Variants in MOV10L1 observed in about 807,000 individuals in gnomAD.
The protein encoded by MOV10L1 is RNA helicase Mov10l1.
In MOV10L1, 110 loss-of-function variants were observed where a neutral mutation model predicts 143.8. The ratio of observed to expected loss-of-function variants is 0.76; its 90% CI spans 0.66 to 0.90. MOV10L1 has a LOEUF of 0.90. Ranked by LOEUF, MOV10L1 falls within the 40% of genes least tolerant of loss-of-function variation. MOV10L1 has a pLI of 0.00. For synonymous variants in MOV10L1, 593 were observed against 581.1 expected (o/e 1.02, Z -0.29); for missense variants, 1,406 against 1,526.8 (o/e 0.92, Z 1.32).
intron 20 of MOV10L1, 149 bp from the exon 21 acceptor site, chr22:50,150,586 C>G (rs2063271296): frequency 1.1e-6 from 1 of 884,152 alleles, no homozygotes; most frequent in Non-Finnish European, 1.7e-6. Context: ...GCCCTGTCGG[C>G]ATTCCCTGGT....
At chr22:50,107,557 TG>T (rs2061906851) in intron 3 of MOV10L1, among the ~76,000 whole-genome samples, 1 of 152,194 alleles carries the variant, frequency 6.6e-6, no homozygotes, top group Admixed American at 6.5e-5. Flanking sequence ...ACCTGTACCA[TG>T]GCAGACCTGT....
At chr22:50,136,709 G>A (rs1410904756) in intron 15 of MOV10L1, among the ~76,000 whole-genome samples, 1 of 152,164 alleles carries the variant, frequency 6.6e-6, no homozygotes, top group African/African-American at 2.4e-5. Context: ...TAGAGTGCTG[G>A]GGAGAGGGCA....
At chr22:50,125,320 T>C in intron 10 of MOV10L1, 72 bp from the exon 11 acceptor site, 3 of 1,473,992 alleles carry the variant, frequency 2.0e-6, no homozygotes, top group Non-Finnish European at 2.8e-6. Context: ...GGAACTTTCC[T>C]GCTCCGGAGC....
At position 50,113,709 on chromosome 22, in the gene MOV10L1, G is replaced by A. The variant is rs1380054290; in HGVS notation, c.805G>A (p.Gly269Ser). ...FYGTILLKNKGDIEVTQVTHF... is the reference protein window; with the variant it reads ...FYGTILLKNKSDIEVTQVTHF... Reference sequence around the variant, plus strand: ...TGGAACGATTTTGCTGAAGAACAAAGGTGATATTGAAGTTACACAGGTGAC... The same window carrying A: ...TGGAACGATTTTGCTGAAGAACAAAAGTGATATTGAAGTTACACAGGTGAC... Residue 269 changes from glycine (G) to serine (S), a missense_variant, in exon 6 of 27, where the codon GGT (glycine) becomes AGT (serine). Around this residue, in one of 3 missense-constraint regions of MOV10L1, gnomAD observed 1,233 missense variants for 1,351.4 expected, o/e 0.91. Transcript: ENST00000262794. 1 of 1,614,014 alleles carries A rather than the reference G, an allele frequency of 6.2e-7. No individual in the cohort carries two copies. Among genetic ancestry groups the A allele is most frequent in the Non-Finnish European group, 8.5e-7 (1 of 1,179,994 alleles).
At chr22:50,091,253 A>G (rs1041366871) in intron 1 of MOV10L1, 3 of 167,448 alleles carry the variant, frequency 1.8e-5, no homozygotes, top group African/African-American at 7.2e-5. Flanking sequence ...CTCAGATCCT[A>G]TGCCTGTACT....
At chr22:50,121,789 A>G (rs76695624) in intron 10 of MOV10L1, among the ~76,000 whole-genome samples, 1,698 of 152,290 alleles carry the variant, frequency 0.011, 80 homozygotes, top group South Asian at 0.086. Context: ...AGTTCCTTCC[A>G]CAGGCCACCG....
chr22:50,103,633 G>C (rs1179476028), intron 3 of MOV10L1, among the ~76,000 whole-genome samples: 1 of 152,180 alleles, frequency 6.6e-6, no homozygotes, highest in East Asian at 1.9e-4. Flanking sequence ...CGAGCATGTG[G>C]TGGCTCTGTC....
At chr22:50,128,311 C>G (rs1229084229) in intron 12 of MOV10L1, 105 bp from the exon 13 acceptor site, 2 of 681,088 alleles carry the variant, frequency 2.9e-6, no homozygotes, top group African/African-American at 3.6e-5. Flanking sequence ...TTGCAGATAT[C>G]AAATTTTAGC....
chr22:50,117,944 G>A (rs986176742), intron 9 of MOV10L1, among the ~76,000 whole-genome samples: 3 of 152,116 alleles, frequency 2.0e-5, no homozygotes, highest in African/African-American at 7.2e-5. Context: ...GCCCTGAATA[G>A]CAGGCTTTTT....
At chr22:50,148,857 G>T (rs1265138743) in intron 19 of MOV10L1, among the ~76,000 whole-genome samples, 18 of 152,044 alleles carry the variant, frequency 1.2e-4, no homozygotes, top group Non-Finnish European at 7.4e-5. Flanking sequence ...GTAGAGACGG[G>T]GTTTCACCGT....
At chr22:50,110,444 A>C (rs541030962) in intron 5 of MOV10L1, among the ~76,000 whole-genome samples, 1 of 150,756 alleles carries the variant, frequency 6.6e-6, no homozygotes, top group Non-Finnish European at 1.5e-5. Flanking sequence ...GTGACACTCC[A>C]TCTCAAAAAA....
intron 13 of MOV10L1, among the ~76,000 whole-genome samples, chr22:50,131,878 A>G (rs1347409316): frequency 6.6e-6 from 1 of 152,228 alleles, no homozygotes; most frequent in Non-Finnish European, 1.5e-5. Flanking sequence ...GCATAGCACC[A>G]TAGATGGGGT....
Position 50,099,467 on chromosome 22 carries a change from G to A in MOV10L1, c.307G>A (p.Glu103Lys), listed in dbSNP as rs2062680595. The change falls in exon 3 of 27, where the codon GAA (glutamate) becomes AAA (lysine). Residue 103 changes from glutamate (E) to lysine (K), a missense_variant. Physicochemically the swap from Glu to Lys is moderately conservative, Grantham distance 56. Coordinates refer to ENST00000262794, the MANE Select transcript of MOV10L1 (RefSeq NM_018995.3). ...GGTAGAAGCTGTCTCTGATAAGTGG[G>A]AAGACGACAGCAGAAACCATGGGAG... is the stretch of plus-strand genomic sequence containing the variant. ...IRVEAVSDKW[E>K]DDSRNHGSPS... 6.2e-7 allele frequency: 1 copy of A among 1,614,154 alleles called. No individual in the cohort carries two copies. Among genetic ancestry groups the A allele is most frequent in the Non-Finnish European group, 8.5e-7 (1 of 1,180,024 alleles).
At position 50,099,453 on chromosome 22, in the gene MOV10L1, T is replaced by C; in HGVS notation, c.293T>C (p.Val98Ala). The C allele has an allele frequency of 6.2e-7, 1 of 1,613,886 alleles. No homozygotes were observed. Among genetic ancestry groups the C allele is most frequent in the South Asian group, 1.1e-5 (1 of 91,062 alleles). Residue 98 changes from valine to alanine, a missense_variant, in exon 3 of 27, where the codon GTC becomes GCC. By Grantham distance (64) the Val-to-Ala change is moderately conservative (BLOSUM62 0). Around this residue, in one of 3 missense-constraint regions of MOV10L1, gnomAD observed 166 missense variants for 153.9 expected, o/e 1.08. Coordinates refer to ENST00000262794, the MANE Select transcript of MOV10L1 (RefSeq NM_018995.3). Reference protein sequence around the residue: ...NGLKAIRVEAVSDKWEDDSRN... With the variant: ...NGLKAIRVEAASDKWEDDSRN... The stretch of plus-strand genomic sequence containing the variant: ...GTGTTTGTTTTACAGGTAGAAGCTG[T>C]CTCTGATAAGTGGGAAGACGACAGC...
intron 9 of MOV10L1, 111 bp downstream of exon 9, chr22:50,117,462 G>C: frequency 8.9e-7 from 1 of 1,126,604 alleles, no homozygotes; most frequent in East Asian, 2.6e-5. Flanking sequence ...AGGTATAAAG[G>C]GGATGAAGCT....
Position 50,134,617 on chromosome 22 carries a change from C to T in MOV10L1, c.2057C>T (p.Ser686Phe), listed in dbSNP as rs1318161980. The T allele has an allele frequency of 1.9e-6, 3 of 1,614,028 alleles. No individual in the cohort carries two copies. Among genetic ancestry groups the T allele is most frequent in the Non-Finnish European group, 2.5e-6 (3 of 1,179,914 alleles). ...CAAGACACCAAAAGCAGTGGACAGT[C>T]CACCAGCAAAAAGGTAGTGCTCAGC... ...HAQDTKSSGQ[S>F]TSKKNRKTMT... Residue 686 changes from serine (S) to phenylalanine (F), a missense_variant, in exon 15 of 27, where the codon TCC (serine) becomes TTC (phenylalanine). By Grantham distance (155) the Ser-to-Phe change is radical (BLOSUM62 -2). Transcript: ENST00000262794.
At chr22:50,145,280 G>A (rs2063119618) in intron 18 of MOV10L1, among the ~76,000 whole-genome samples, 1 of 152,210 alleles carries the variant, frequency 6.6e-6, no homozygotes, top group Non-Finnish European at 1.5e-5. Context: ...AAAATAGCTG[G>A]GCGTGGTGGC....
At chr22:50,098,369 T>A (rs1458646533) in intron 2 of MOV10L1, among the ~76,000 whole-genome samples, 2 of 151,604 alleles carry the variant, frequency 1.3e-5, no homozygotes, top group African/African-American at 4.8e-5. Flanking sequence ...GCGGTTGTCT[T>A]GCTGTTTATT....
intron 5 of MOV10L1, among the ~76,000 whole-genome samples, chr22:50,110,088 G>T (rs560870641): frequency 6.4e-4 from 98 of 152,212 alleles, no homozygotes; most frequent in Non-Finnish European, 3.1e-4. Flanking sequence ...GGCAGAGGTT[G>T]CAGTGAGGCG....
Sources: gnomAD v4.1 joint callset for allele counts (sites outside exome capture counted in the v4.1 genomes callset) on GRCh38, gnomAD v4.1.1 for gene constraint, gnomAD v4.1.1 regional missense constraint, MANE v1.5 for transcripts, NCBI Gene and HGNC (gene_info 2026-07-23, HGNC 2026-07-21) for gene names.